The following RYR1 variants were observed in gnomAD, a reference collection of about 807,000 sequenced individuals.
The protein encoded by RYR1 is central core disease of muscle.
In RYR1, 342 loss-of-function variants were observed where a neutral mutation model predicts 583.5. The observed-to-expected ratio is 0.59, with a 90% CI of 0.54 to 0.64. The LOEUF (loss-of-function observed/expected upper bound fraction) is 0.64, where lower values mean the gene tolerates loss of function less well. Among genes scored for constraint, RYR1 ranks in the 30% least tolerant of loss-of-function variants. The pLI is 0.00. For synonymous variants in RYR1, 2,791 were observed against 2,822.5 expected (o/e 0.99, Z 0.35); for missense variants, 6,032 against 6,917.2 (o/e 0.87, Z 4.54).
Position 38,565,708 on chromosome 19 carries a change from G to C in RYR1, c.13374G>C (p.Gly4458=). 7.0e-7 allele frequency: 1 copy of C among 1,426,444 alleles called. No individual in the cohort carries two copies. The allele number at this position is 1,426,444 out of a possible 1,614,324, so 88.4% of individuals were successfully genotyped here. ...PEGAGGLGDM[G]DTTPAEPPTP... ...GGGCTGGCGGTCTCGGGGACATGGG[G>C]GACACGACGCCTGCGGAACCGCCCA... The change falls in exon 91 of 106, where the codon GGG becomes GGC. Residue 4458 remains glycine (G), a synonymous_variant. Coordinates refer to ENST00000359596, the MANE Select transcript of RYR1 (RefSeq NM_000540.3). This position sits in a 1 kb window ranked among gnomAD's most constrained non-coding sequence, Gnocchi z 4.7.
In RYR1 at chr19:38,502,964, A is replaced by G; in HGVS notation, c.7920A>G (p.Pro2640=). 6.2e-7 allele frequency: 1 copy of G among 1,608,876 alleles called. No homozygotes were observed. Among genetic ancestry groups the G allele is most frequent in the Non-Finnish European group, 8.5e-7 (1 of 1,179,938 alleles). ...TCCTCAACGAGTTCGCCAAGATGCC[A>G]CTCAAGGTGAGGGCAAGCGCTCTTT... The part of the protein sequence containing the change: ...VPILNEFAKM[P]LKLLTNHYER... Residue 2640 remains proline (P), a synonymous_variant, in exon 49 of 106, where the codon CCA becomes CCG. Coordinates refer to ENST00000359596, the MANE Select transcript of RYR1 (RefSeq NM_000540.3).
intron 24 of RYR1, 92 bp downstream of exon 24, chr19:38,466,490 A>C: frequency 5.3e-5 from 59 of 1,115,232 alleles, no homozygotes; most frequent in Non-Finnish European, 7.0e-5. Flanking sequence ...CAGCCCCCAA[A>C]TGGGCTATAT....
At chr19:38,579,919 C>T (rs1361927969) in intron 99 of RYR1, 63 bp from the exon 100 acceptor site, 9 of 1,609,730 alleles carry the variant, frequency 5.6e-6, no homozygotes, top group Non-Finnish European at 1.7e-6. Flanking sequence ...TGGCCCCTAC[C>T]CTCCAGAGTG....
At chr19:38,501,366 C>T (rs551693711) in intron 47 of RYR1, among the ~76,000 whole-genome samples, 10 of 152,216 alleles carry the variant, frequency 6.6e-5, no homozygotes, top group African/African-American at 2.4e-4. Flanking sequence ...GACGTGGTGG[C>T]GCACACTTGT....
chr19:38,553,421 G>T (rs1420595628), intron 89 of RYR1, among the ~76,000 whole-genome samples: 1 of 151,762 alleles, frequency 6.6e-6, no homozygotes, highest in Non-Finnish European at 1.5e-5. Flanking sequence ...AAGGCAGGAG[G>T]ATTGCTTGAG....
Position 38,525,499 on chromosome 19 carries a change from C to A in RYR1, c.10623C>A (p.Ala3541=). The A allele has an allele frequency of 1.2e-6, 2 of 1,613,786 alleles. No homozygotes were observed. Among genetic ancestry groups the A allele is most frequent in the South Asian group, 2.2e-5 (2 of 91,064 alleles). ...TCACGCTGGCCAAGACCCGTTACGC[C>A]CTGGTGCCTGCCCAGCCCCGTCCTC... The part of the protein sequence containing the change: ...DLITLAKTRY[A]LKDTDEEVRE... Residue 3541 remains alanine (A), a synonymous_variant, in exon 71 of 106, where the codon GCC becomes GCA. Transcript: ENST00000359596.
intron 74 of RYR1, 32 bp downstream of exon 74, chr19:38,528,450 G>C (rs761987097): frequency 6.2e-7 from 1 of 1,609,480 alleles, no homozygotes; most frequent in South Asian, 1.1e-5. Flanking sequence ...GAAGCGTGAA[G>C]GGCTGCGGAG....
intron 89 of RYR1, among the ~76,000 whole-genome samples, chr19:38,553,969 G>A (rs1263975326): frequency 6.6e-6 from 1 of 152,154 alleles, no homozygotes; most frequent in East Asian, 1.9e-4. Context: ...GCTATTCCTT[G>A]TTGATGGACA....
intron 29 of RYR1, among the ~76,000 whole-genome samples, chr19:38,477,092 A>T (rs1968773754): frequency 6.6e-6 from 1 of 152,134 alleles, no homozygotes; most frequent in Non-Finnish European, 1.5e-5. Flanking sequence ...GGAAAGAAAA[A>T]AAAGACCTTA....
At chr19:38,495,614 T>C (rs1462227082) in intron 39 of RYR1, among the ~76,000 whole-genome samples, 3 of 152,128 alleles carry the variant, frequency 2.0e-5, no homozygotes, top group Non-Finnish European at 4.4e-5. Context: ...CCCAAAGGGC[T>C]GGAATTACAA....
intron 73 of RYR1, 32 bp downstream of exon 73, chr19:38,527,816 G>C (rs758371132): frequency 6.2e-7 from 1 of 1,612,350 alleles, no homozygotes; most frequent in Non-Finnish European, 8.5e-7. Flanking sequence ...TTTCTACTGG[G>C]TCTCTGGGCG....
intron 31 of RYR1, among the ~76,000 whole-genome samples, chr19:38,480,206 A>G (rs1023117734): frequency 1.1e-4 from 17 of 151,424 alleles, no homozygotes; most frequent in African/African-American, 3.9e-4. Flanking sequence ...GCAGTGGCGC[A>G]ATCTCGACTC....
At position 38,455,843 on chromosome 19, in the gene RYR1, C is replaced by T; in HGVS notation, c.1791+92C>T. The stretch of plus-strand genomic sequence containing the variant: ...GAACTCTGCTCACTCCCTCACTTCC[C>T]TCCTCCATCTCATCTCTCACCTGTA... On this transcript the variant is annotated intron_variant, in intron 16 of 105. Transcript: ENST00000359596. 5.0e-6 allele frequency: 4 copies of T among 807,422 alleles called. No homozygotes were observed. The East Asian group carries it at 9.9e-5, about 20-fold the overall frequency. 50.0% of individuals were successfully genotyped at this position (807,422 alleles called of 1,614,324 possible).
intron 89 of RYR1, among the ~76,000 whole-genome samples, chr19:38,555,894 C>T (rs1972857972): frequency 1.3e-5 from 2 of 152,070 alleles, no homozygotes; most frequent in Non-Finnish European, 1.5e-5. Context: ...GACAGGGTCT[C>T]ACTCTGTTGT....
At chr19:38,434,461 G>T (rs898725097) in intron 1 of RYR1, among the ~76,000 whole-genome samples, 1 of 152,016 alleles carries the variant, frequency 6.6e-6, no homozygotes, top group African/African-American at 2.4e-5. Context: ...TCTCTGGGTG[G>T]TGTCTCTCCC....
chr19:38,506,547 G>A lies in RYR1; in HGVS notation c.8692+1G>A. On this transcript the variant is annotated splice_donor_variant, in intron 56 of 105. Transcript: ENST00000359596. LOFTEE classifies it high-confidence loss of function. ...AAGAAGCAGGAGCTGGAAGCCAAAG[G>A]TGAGGGCGCCCATGCCGCCCCCACG... 3 of 1,613,906 alleles carry A rather than the reference G, an allele frequency of 1.9e-6. No individual in the cohort carries two copies. The highest frequency in any genetic ancestry group is 2.5e-6 in the Non-Finnish European group (3 of 1,179,952).
At chr19:38,485,192 A>G (rs1197359797) in intron 33 of RYR1, among the ~76,000 whole-genome samples, 1 of 152,176 alleles carries the variant, frequency 6.6e-6, no homozygotes, top group Non-Finnish European at 1.5e-5. Flanking sequence ...CAGATGTTCT[A>G]CATGGACTCT....
chr19:38,457,205 G>A (rs1967458032), intron 16 of RYR1, among the ~76,000 whole-genome samples: 2 of 152,038 alleles, frequency 1.3e-5, no homozygotes, highest in Middle Eastern at 3.4e-3. Flanking sequence ...GGTCGTTTCA[G>A]TCTGCCTTCT....
At position 38,494,349 on chromosome 19, in the gene RYR1, C is replaced by G; in HGVS notation, c.6275-3C>G. 6.2e-7 allele frequency: 1 copy of G among 1,611,360 alleles called. No homozygotes were observed. The highest frequency in any genetic ancestry group is 8.5e-7 in the Non-Finnish European group (1 of 1,179,900). On this transcript the variant is annotated splice_polypyrimidine_tract_variant and splice_region_variant and intron_variant, in intron 38 of 105. Transcript: ENST00000359596. ...TCCAAGCCTTGCATTGTCTCCTTCC[C>G]AGGGTCCCTGCAGGAGCTGGTGTCC...
Sources: gnomAD v4.1 joint callset for allele counts (sites outside exome capture counted in the v4.1 genomes callset) on GRCh38, gnomAD v4.1.1 for gene constraint, Gnocchi (gnomAD v3.1) non-coding constraint, MANE v1.5 for transcripts, NCBI Gene and HGNC (gene_info 2026-07-23, HGNC 2026-07-21) for gene names.